The following SH3RF3 variants were observed in gnomAD, a reference collection of about 807,000 sequenced individuals.
SH3RF3 encodes the protein SH3 domain containing ring finger 3.
SH3RF3 carries 29 observed loss-of-function variants against 66.3 expected under a neutral mutation model. That is an observed-to-expected ratio of 0.44 (90% CI 0.33 to 0.60). SH3RF3 has a LOEUF of 0.60. Ranked by LOEUF, SH3RF3 falls within the 20% of genes least tolerant of loss-of-function variation. The pLI is 0.04. For missense variants in SH3RF3, 1,194 were observed against 1,190.9 expected (o/e 1.00, Z -0.04); for synonymous variants, 583 against 532.0 (o/e 1.10, Z -1.32).
intron 3 of SH3RF3, among the ~76,000 whole-genome samples, chr2:109,381,638 A>G (rs1330708606): frequency 6.6e-6 from 1 of 151,940 alleles, no homozygotes; most frequent in Non-Finnish European, 1.5e-5. Flanking sequence ...CGCAAACTTC[A>G]GTGAGCATTT....
chr2:109,180,059 T>C (rs541927802), intron 1 of SH3RF3, among the ~76,000 whole-genome samples: 16 of 152,012 alleles, frequency 1.1e-4, no homozygotes, highest in Non-Finnish European at 2.4e-4. Flanking sequence ...TTGCTCTCTG[T>C]GGGGACCCAG....
intron 1 of SH3RF3, among the ~76,000 whole-genome samples, chr2:109,169,753 TAC>T (rs56897089): frequency 0.35 from 52,304 of 149,490 alleles, 10,173 homozygotes; most frequent in African/African-American, 0.52. Flanking sequence ...AAAACAACCA[TAC>T]ACACACACAC....
intron 8 of SH3RF3, among the ~76,000 whole-genome samples, chr2:109,459,710 G>C (rs964080536): frequency 8.5e-5 from 13 of 152,150 alleles, no homozygotes; most frequent in African/African-American, 3.1e-4. Flanking sequence ...TGGCAGTCTT[G>C]AATTCCAGCT....
chr2:109,183,256 TCAGTTGA>T (rs1678109970), intron 1 of SH3RF3, among the ~76,000 whole-genome samples: 6 of 152,226 alleles, frequency 3.9e-5, no homozygotes, highest in Admixed American at 1.3e-4. Flanking sequence ...GAGATGACTA[TCAGTTGA>T]GTTAGTTTCA....
intron 8 of SH3RF3, among the ~76,000 whole-genome samples, chr2:109,467,522 G>A (rs909982923): frequency 6.6e-6 from 1 of 152,228 alleles, no homozygotes; most frequent in Admixed American, 6.5e-5. Context: ...TGGGCCCACC[G>A]TGAGGGCAGC....
chr2:109,385,582 T>C (rs7566456), intron 3 of SH3RF3, among the ~76,000 whole-genome samples: 72,342 of 152,142 alleles, frequency 0.48, 17,332 homozygotes, highest in Middle Eastern at 0.55. Context: ...AGGAGCCTGT[T>C]TGAAATAATC....
chr2:109,255,290 C>T (rs764502391), intron 1 of SH3RF3, among the ~76,000 whole-genome samples: 20 of 152,162 alleles, frequency 1.3e-4, no homozygotes, highest in Non-Finnish European at 2.6e-4. Context: ...CACTGGGCTT[C>T]CAGCAGACCC....
chr2:109,406,422 C>G (rs1434594593), intron 4 of SH3RF3, among the ~76,000 whole-genome samples: 2 of 152,104 alleles, frequency 1.3e-5, no homozygotes, highest in African/African-American at 4.8e-5. Flanking sequence ...CTGAGAGCAG[C>G]TATATCACGT....
chr2:109,416,087 TCA>T (rs1388917039), intron 4 of SH3RF3, among the ~76,000 whole-genome samples: 3 of 152,196 alleles, frequency 2.0e-5, no homozygotes, highest in Non-Finnish European at 4.4e-5. Flanking sequence ...ATCGCACTTC[TCA>T]GTCTCCAGAA....
intron 8 of SH3RF3, among the ~76,000 whole-genome samples, chr2:109,482,728 T>A (rs1275999669): frequency 6.6e-6 from 1 of 152,204 alleles, no homozygotes; most frequent in Non-Finnish European, 1.5e-5. Flanking sequence ...CACCTCCGGC[T>A]GCTTCCTCTC....
At chr2:109,453,226 T>C (rs1429575774) in intron 8 of SH3RF3, among the ~76,000 whole-genome samples, 1 of 152,166 alleles carries the variant, frequency 6.6e-6, no homozygotes, top group African/African-American at 2.4e-5. Context: ...CAGCCTACTC[T>C]CCCAGGTCTC....
intron 1 of SH3RF3, among the ~76,000 whole-genome samples, chr2:109,283,405 C>T (rs1680942632): frequency 6.6e-6 from 1 of 152,162 alleles, no homozygotes. Context: ...TTTTGGTGGC[C>T]AGTATTGAGC....
At chr2:109,259,817 G>C (rs887329668) in intron 1 of SH3RF3, among the ~76,000 whole-genome samples, 54 of 151,448 alleles carry the variant, frequency 3.6e-4, no homozygotes, top group African/African-American at 1.2e-3. Flanking sequence ...GGAGGTCTCT[G>C]TTTGTCTGGC....
chr2:109,186,951 C>T (rs143252880), intron 1 of SH3RF3, among the ~76,000 whole-genome samples: 2 of 152,302 alleles, frequency 1.3e-5, no homozygotes, highest in African/African-American at 4.8e-5. Context: ...GTGTAGAAGC[C>T]ATGATGCTGC....
chr2:109,169,704 C>A (rs34167530), intron 1 of SH3RF3, among the ~76,000 whole-genome samples: 73,383 of 151,342 alleles, frequency 0.48, 18,809 homozygotes, highest in South Asian at 0.59. Context: ...ATCTCTCTCT[C>A]TATATATATC....
At chr2:109,237,828 T>G (rs370416923) in intron 1 of SH3RF3, among the ~76,000 whole-genome samples, 2 of 152,226 alleles carry the variant, frequency 1.3e-5, no homozygotes, top group East Asian at 1.9e-4. Flanking sequence ...AGTTTCCATT[T>G]TAGTATAAAA....
intron 1 of SH3RF3, among the ~76,000 whole-genome samples, chr2:109,297,481 A>G (rs1681342989): frequency 6.6e-6 from 1 of 152,028 alleles, no homozygotes; most frequent in African/African-American, 2.4e-5. Flanking sequence ...GGTGTGGGTC[A>G]GTGCTCCCCA....
chr2:109,138,685 T>C (rs868426403), intron 1 of SH3RF3, among the ~76,000 whole-genome samples: 1 of 152,240 alleles, frequency 6.6e-6, no homozygotes, highest in Admixed American at 6.5e-5. Flanking sequence ...GCCTGCAGAC[T>C]GCAGCTGTAG....
chr2:109,410,560 A>G (rs1161409278), intron 4 of SH3RF3, among the ~76,000 whole-genome samples: 1 of 152,182 alleles, frequency 6.6e-6, no homozygotes, highest in Non-Finnish European at 1.5e-5. Flanking sequence ...GCTCATGTGA[A>G]ATGCTCACAG....
Sources: gnomAD v4.1 joint callset for allele counts (sites outside exome capture counted in the v4.1 genomes callset) on GRCh38, gnomAD v4.1.1 for gene constraint, MANE v1.5 for transcripts, NCBI Gene and HGNC (gene_info 2026-07-23, HGNC 2026-07-21) for gene names.